Variants in KMT2A observed in about 807,000 individuals in gnomAD.
KMT2A encodes histone-lysine N-methyltransferase 2A.
Under a neutral mutation model 345.3 loss-of-function variants are expected in KMT2A, and 16 were observed. That is an observed-to-expected ratio of 0.05 (90% CI 0.03 to 0.07). The LOEUF is 0.07. Ranked by LOEUF, KMT2A falls within the 10% of genes least tolerant of loss-of-function variation. KMT2A has a pLI of 1.00. For synonymous variants in KMT2A, 1,599 were observed against 1,778.6 expected, an observed-to-expected ratio of 0.90 and a Z score of 2.54; for missense variants, 3,272 against 4,841.6, an observed-to-expected ratio of 0.68 and a Z score of 9.62.
At position 118,523,149 on chromosome 11, in the gene KMT2A, G is replaced by A. The variant is rs1293049176; in HGVS notation, c.*977G>A. The stretch of plus-strand genomic sequence containing the variant: ...ATATGTAGCATGATTTTGTAGGAGA[G>A]GAAAAAGATTATTTAAATAGGATTT... On this transcript the variant is annotated 3_prime_UTR_variant, in exon 36 of 36. Transcript: ENST00000534358. 1 of 227,190 alleles carries A rather than the reference G, an allele frequency of 4.4e-6. No homozygotes were observed. Among genetic ancestry groups the A allele is most frequent in the Non-Finnish European group, 8.8e-6 (1 of 114,162 alleles). 14.1% of individuals were successfully genotyped at this position (227,190 alleles called of 1,614,324 possible). A position where few individuals can be genotyped will look rare whatever the true frequency, so the allele number is the denominator to read the frequency against.
Position 118,476,020 on chromosome 11 carries a change from C to T in KMT2A, c.3157-785C>T, listed in dbSNP as rs1950031817. Among the ~76,000 whole-genome samples, 1 of 152,102 alleles carries T rather than the reference C, an allele frequency of 6.6e-6. No individual in the cohort carries two copies. The highest frequency in any genetic ancestry group is 1.5e-5 in the Non-Finnish European group (1 of 68,024). ...TCCCAGGTTCAAGCAATTCTCCTGC[C>T]TCAGCCTCCCAAGTAGCTGGGATTA... is the stretch of plus-strand genomic sequence containing the variant. On this transcript the variant is annotated intron_variant, in intron 3 of 35. Coordinates refer to ENST00000534358, the MANE Select transcript of KMT2A (RefSeq NM_001197104.2). The surrounding 1 kb of genome is among the most constrained non-coding windows in gnomAD (Gnocchi z 4.1).
intron 1 of KMT2A, among the ~76,000 whole-genome samples, chr11:118,451,680 A>T (rs1263068658): frequency 2.8e-5 from 4 of 142,678 alleles, no homozygotes; most frequent in Non-Finnish European, 6.1e-5. Context: ...TTTTGTAGAG[A>T]TGGGGTCTCA....
Position 118,521,450 on chromosome 11 carries a change from T to C in KMT2A, c.11643+33T>C, listed in dbSNP as rs372784331. Reference sequence around the variant, plus strand: ...TCCCACTTGCACTCACACAGTTCTTTTGTTTTGCTGTAGAAAGGGACCAGT... The same window carrying C: ...TCCCACTTGCACTCACACAGTTCTTCTGTTTTGCTGTAGAAAGGGACCAGT... On this transcript the variant is annotated intron_variant, in intron 35 of 35. Transcript: ENST00000534358. This position sits in a 1 kb window ranked among gnomAD's most constrained non-coding sequence, Gnocchi z 5.3. 5.6e-6 allele frequency: 9 copies of C among 1,610,710 alleles called. No homozygotes were observed. The African/African-American group carries it at 9.4e-5, about 17-fold the overall frequency.
rs1555040406 is a variant in KMT2A at position 118,484,792 on chromosome 11, T to C, written c.4219-70T>C. ...GTGATGTCACACTAATTTTATGCTT[T>C]TCATCCTTATTTTCCATCCAAAGTT... On this transcript the variant is annotated intron_variant, in intron 9 of 35. Coordinates refer to ENST00000534358, the MANE Select transcript of KMT2A (RefSeq NM_001197104.2). This position sits in a 1 kb window ranked among gnomAD's most constrained non-coding sequence, Gnocchi z 4.1. The C allele has an allele frequency of 9.8e-7, 1 of 1,016,824 alleles. No homozygotes were observed. The highest frequency in any genetic ancestry group is 1.6e-5 in the African/African-American group (1 of 63,456). The allele number at this position is 1,016,824 out of a possible 1,614,324, so 63.0% of individuals were successfully genotyped here.
In KMT2A at chr11:118,502,413, C is replaced by T. The variant is rs781855910; in HGVS notation, c.6521C>T (p.Thr2174Ile). Residue 2174 changes from threonine (T) to isoleucine (I), a missense_variant, in exon 27 of 36, where the codon ACC (threonine) becomes ATC (isoleucine). Around this residue, in one of 27 missense-constraint regions of KMT2A, gnomAD observed 14 missense variants for 38.4 expected, o/e 0.36. Coordinates refer to ENST00000534358, the MANE Select transcript of KMT2A (RefSeq NM_001197104.2). This position sits in a 1 kb window ranked among gnomAD's most constrained non-coding sequence, Gnocchi z 4.9. ...PLPSAGSPTP[T>I]THEIVTVGDP... ...TCTTGTTTAGGAAGTCCTACCCCAA[C>T]CACTCATGAAATAGTCACAGTAGGT... The T allele has an allele frequency of 3.8e-6, 6 of 1,599,712 alleles. No homozygotes were observed. Among genetic ancestry groups the T allele is most frequent in the Admixed American group, 3.5e-5 (2 of 57,912 alleles).
rs781998336 is a variant in KMT2A at position 118,481,900 on chromosome 11, G to A, written c.3820G>A (p.Gly1274Arg). Residue 1274 changes from glycine (G) to arginine (R), a missense_variant, in exon 7 of 36, where the codon GGG becomes AGG. Gly to Arg is a moderately radical substitution (Grantham distance 125). Transcript: ENST00000534358. ...RKPVEEKSEE[G>R]NVSAPGPESK... ...GCCCGTCGAGGAAAAGAGTGAAGAA[G>A]GGAATGTCTCGGCCCCTGGGCCTGA... The A allele has an allele frequency of 3.1e-6, 5 of 1,614,220 alleles. No individual in the cohort carries two copies. Among genetic ancestry groups the A allele is most frequent in the Admixed American group, 1.7e-5 (1 of 60,026 alleles).
chr11:118,514,502 G>A (rs1408963005), intron 31 of KMT2A, among the ~76,000 whole-genome samples: 2 of 151,290 alleles, frequency 1.3e-5, no homozygotes, highest in South Asian at 2.1e-4. Flanking sequence ...GTGCAGTGGC[G>A]TGATCTCGGC....
chr11:118,503,011 C>T lies in KMT2A; in HGVS notation c.7119C>T (p.Leu2373=). 1.2e-6 allele frequency: 2 copies of T among 1,613,960 alleles called. No homozygotes were observed. The highest frequency in any genetic ancestry group is 1.7e-6 in the Non-Finnish European group (2 of 1,180,018). Residue 2373 remains leucine, a synonymous_variant, in exon 27 of 36, where the codon CTC becomes CTT. Transcript: ENST00000534358. This position sits in a 1 kb window ranked among gnomAD's most constrained non-coding sequence, Gnocchi z 5.3. The part of the protein sequence containing the change: ...SSKEALSFPH[L]HLRGQRNDRD... ...AAGAGGCCCTCTCCTTCCCACACCT[C>T]CATTTGAGAGGGCAAAGGAATGATC...
rs563331233 is a variant in KMT2A, at chr11:118,461,125, T to C, written c.433-7650T>C. Among the ~76,000 whole-genome samples the C allele has an allele frequency of 2.0e-5, 3 of 152,370 alleles. No homozygotes were observed. In the South Asian group the frequency reaches 6.2e-4, roughly 32 times the overall value. ...ACACAAACATTATGTTTAATACTTATTTAGGGTTCACTTAGGTTCTTTTGT... is the reference window on the plus strand; with the variant it reads ...ACACAAACATTATGTTTAATACTTACTTAGGGTTCACTTAGGTTCTTTTGT... On this transcript the variant is annotated intron_variant, in intron 1 of 35. Coordinates refer to ENST00000534358, the MANE Select transcript of KMT2A (RefSeq NM_001197104.2).
rs1591275535 is a variant in KMT2A, at chr11:118,498,880, A to C, written c.5961+352A>C. Among the ~76,000 whole-genome samples the C allele has an allele frequency of 6.6e-6, 1 of 152,246 alleles. No individual in the cohort carries two copies. Among genetic ancestry groups the C allele is most frequent in the African/African-American group, 2.4e-5 (1 of 41,544 alleles). Reference sequence around the variant, plus strand: ...CTTAAACATCCTCTGTGCTCTGCCTATTCATCCCTGCCTCTCCCCAACCCT... The same window carrying C: ...CTTAAACATCCTCTGTGCTCTGCCTCTTCATCCCTGCCTCTCCCCAACCCT... On this transcript the variant is annotated intron_variant, in intron 22 of 35. Transcript: ENST00000534358. This position sits in a 1 kb window ranked among gnomAD's most constrained non-coding sequence, Gnocchi z 4.4.
In KMT2A at chr11:118,495,276, A is replaced by G. The variant is rs1555043671; in HGVS notation, c.5364-424A>G. On this transcript the variant is annotated intron_variant, in intron 18 of 35. Transcript: ENST00000534358. The surrounding 1 kb of genome is among the most constrained non-coding windows in gnomAD (Gnocchi z 4.1). ...CTGGTTCAAGCGATTCTCCTCCCTC[A>G]GCCTCCCAAGTAGCTGGGAAAACAG... is the stretch of plus-strand genomic sequence containing the variant. Among the ~76,000 whole-genome samples, 1 of 151,574 alleles carries G rather than the reference A, an allele frequency of 6.6e-6. No homozygotes were observed. The highest frequency in any genetic ancestry group is 1.9e-4 in the East Asian group (1 of 5,162).
chr11:118,492,088 A>G (rs1458312089), intron 15 of KMT2A, among the ~76,000 whole-genome samples, 160 bp downstream of exon 15: 3 of 152,212 alleles, frequency 2.0e-5, no homozygotes, highest in African/African-American at 7.2e-5. Flanking sequence ...GACCTTCTTT[A>G]GCGTAAGAAA....
At position 118,476,128 on chromosome 11, in the gene KMT2A, C is replaced by T. The variant is rs1464462653; in HGVS notation, c.3157-677C>T. The stretch of plus-strand genomic sequence containing the variant: ...CCATGTTGGTCAGGCTGGTCTCAAA[C>T]TCCCGACCTCAGGTGATCTACCCGC... On this transcript the variant is annotated intron_variant, in intron 3 of 35. Coordinates refer to ENST00000534358, the MANE Select transcript of KMT2A (RefSeq NM_001197104.2). This position sits in a 1 kb window ranked among gnomAD's most constrained non-coding sequence, Gnocchi z 4.1. Among the ~76,000 whole-genome samples, 1 of 152,070 alleles carries T rather than the reference C, an allele frequency of 6.6e-6. No individual in the cohort carries two copies. Among genetic ancestry groups the T allele is most frequent in the Non-Finnish European group, 1.5e-5 (1 of 68,030 alleles).
At chr11:118,462,526 A>G (rs1023765403) in intron 1 of KMT2A, among the ~76,000 whole-genome samples, 5 of 152,152 alleles carry the variant, frequency 3.3e-5, no homozygotes, top group Non-Finnish European at 7.4e-5. Context: ...GTTCTTGGGT[A>G]AAAGTATAGT....
intron 1 of KMT2A, among the ~76,000 whole-genome samples, chr11:118,443,899 G>A (rs548659944): frequency 1.5e-4 from 23 of 152,248 alleles, no homozygotes; most frequent in African/African-American, 5.5e-4. Context: ...CTGGTTTTGT[G>A]TTTTGTTGGG....
intron 31 of KMT2A, among the ~76,000 whole-genome samples, chr11:118,515,133 G>C (rs1214710839): frequency 6.6e-6 from 1 of 152,220 alleles, no homozygotes; most frequent in African/African-American, 2.4e-5. Context: ...AGCTGAGAAA[G>C]CTGAATTTTT....
Position 118,473,040 on chromosome 11 carries a change from A to C in KMT2A, c.1881A>C (p.Ser627=). 6.2e-7 allele frequency: 1 copy of C among 1,614,246 alleles called. No individual in the cohort carries two copies. The highest frequency in any genetic ancestry group is 8.5e-7 in the Non-Finnish European group (1 of 1,180,044). Residue 627 remains serine (S), a synonymous_variant, in exon 3 of 36, where the codon TCA becomes TCC. Coordinates refer to ENST00000534358, the MANE Select transcript of KMT2A (RefSeq NM_001197104.2). This position sits in a 1 kb window ranked among gnomAD's most constrained non-coding sequence, Gnocchi z 5.2. ...FRWTSLKHSR[S]EPQYFSSAKY... is the part of the protein sequence containing the mutation. Reference sequence around the variant, plus strand: ...GGACTTCTTTAAAGCATTCTAGGTCAGAGCCACAATACTTTTCCTCAGCAA... The same window carrying C: ...GGACTTCTTTAAAGCATTCTAGGTCCGAGCCACAATACTTTTCCTCAGCAA...
intron 6 of KMT2A, among the ~76,000 whole-genome samples, chr11:118,481,476 C>T (rs988631681): frequency 2.0e-5 from 3 of 152,050 alleles, no homozygotes; most frequent in Non-Finnish European, 2.9e-5. Context: ...GGATATGTAC[C>T]ACATTTTCTT....
Position 118,506,202 on chromosome 11 carries a change from C to G in KMT2A, c.10310C>G (p.Thr3437Ser). ...ATCTGTGTGCTCCCCTCCACTCAGA[C>G]TACGGGCATAACAGCCGCTTCACCT... is the stretch of plus-strand genomic sequence containing the variant. ...SSICVLPSTQ[T>S]TGITAASPSG... The change falls in exon 27 of 36, where the codon ACT (threonine) becomes AGT (serine). Residue 3437 changes from threonine to serine, a missense_variant. Coordinates refer to ENST00000534358, the MANE Select transcript of KMT2A (RefSeq NM_001197104.2). 6.2e-7 allele frequency: 1 copy of G among 1,614,144 alleles called. No homozygotes were observed. Among genetic ancestry groups the G allele is most frequent in the Non-Finnish European group, 8.5e-7 (1 of 1,180,010 alleles).
Sources: gnomAD v4.1 joint callset for allele counts (sites outside exome capture counted in the v4.1 genomes callset) on GRCh38, gnomAD v4.1.1 for gene constraint, gnomAD v4.1.1 regional missense constraint, Gnocchi (gnomAD v3.1) non-coding constraint, MANE v1.5 for transcripts, NCBI Gene and HGNC (gene_info 2026-07-23, HGNC 2026-07-21) for gene names.